The following CBFB variants were observed in gnomAD, a reference collection of about 807,000 sequenced individuals.
CBFB encodes the protein core-binding factor subunit beta.
In CBFB, 9 loss-of-function variants were observed where a neutral mutation model predicts 30.4. That is an observed-to-expected ratio of 0.30 (90% CI 0.18 to 0.52). The LOEUF (loss-of-function observed/expected upper bound fraction) is 0.52. Ranked by LOEUF, CBFB falls within the 20% of genes least tolerant of loss-of-function variation. The pLI is 0.97. For synonymous variants in CBFB, 94 were observed against 84.0 expected, an observed-to-expected ratio of 1.12 and a Z score of -0.65; for missense variants, 170 against 244.0, an observed-to-expected ratio of 0.70 and a Z score of 2.02.
intron 5 of CBFB, among the ~76,000 whole-genome samples, chr16:67,092,468 ACT>A (rs1173163419): frequency 6.6e-6 from 1 of 151,708 alleles, no homozygotes; most frequent in African/African-American, 2.4e-5. Flanking sequence ...CTGTGTTCTG[ACT>A]CTGCCTCCAA....
intron 3 of CBFB, among the ~76,000 whole-genome samples, chr16:67,038,312 GTATA>G (rs1567604779): frequency 1.3e-5 from 2 of 149,500 alleles, no homozygotes; most frequent in Non-Finnish European, 3.0e-5. Context: ...GTATATATGT[GTATA>G]TATACGTATA....
chr16:67,029,944 C>T lies in CBFB; in HGVS notation c.165+131C>T, dbSNP rs536688949. 5.6e-5 allele frequency: 30 copies of T among 539,582 alleles called. No individual in the cohort carries two copies. The South Asian group carries it at 8.2e-4, about 15-fold the overall frequency. The allele number at this position is 539,582 out of a possible 1,614,324, so 33.4% of individuals were successfully genotyped here. ...AGTGGGCGCCGTCTCACTTCCTACT[C>T]GGGATTCAAAATGCGAAACCAGATG... On this transcript the variant is annotated intron_variant, in intron 2 of 5. Transcript: ENST00000412916.
chr16:67,077,953 T>C (rs1243398556), intron 4 of CBFB, among the ~76,000 whole-genome samples: 2 of 152,234 alleles, frequency 1.3e-5, no homozygotes, highest in Non-Finnish European at 1.5e-5. Context: ...GGTTGTGGTA[T>C]AGACTTTGGA....
intron 5 of CBFB, among the ~76,000 whole-genome samples, chr16:67,086,591 GA>G (rs1177104943): frequency 6.6e-6 from 1 of 152,170 alleles, no homozygotes; most frequent in Non-Finnish European, 1.5e-5. Flanking sequence ...CTGCCTGTCT[GA>G]AAACTAGAAT....
chr16:67,066,466 G>A (rs987831919), intron 3 of CBFB, among the ~76,000 whole-genome samples: 2 of 151,690 alleles, frequency 1.3e-5, no homozygotes, highest in Non-Finnish European at 2.9e-5. Context: ...AGTCCGAGGT[G>A]GGAGAATTGC....
chr16:67,029,516 C>A, intron 1 of CBFB, 31 bp downstream of exon 1: 1 of 1,565,196 alleles, frequency 6.4e-7, no homozygotes, highest in African/African-American at 1.4e-5. Flanking sequence ...GCTAGGAGGC[C>A]GCAGCGCGCC....
rs577474728 is a variant in CBFB, at chr16:67,070,374, T to C, written c.399+3576T>C. On this transcript the variant is annotated intron_variant, in intron 4 of 5. Transcript: ENST00000412916. The stretch of plus-strand genomic sequence containing the variant: ...GGCAACATAATGAGACCTTCATCTC[T>C]AAACATAAAAATAAAGAAAGAATCC... Among the ~76,000 whole-genome samples the C allele has an allele frequency of 2.6e-5, 4 of 152,266 alleles. No individual in the cohort carries two copies. In the South Asian group the frequency reaches 8.3e-4, roughly 32 times the overall value.
intron 5 of CBFB, among the ~76,000 whole-genome samples, chr16:67,084,233 GAA>G (rs1280689263): frequency 2.8e-5 from 4 of 144,620 alleles, no homozygotes; most frequent in South Asian, 2.2e-4. Flanking sequence ...TAATGTGTTT[GAA>G]AAAGAGTGTT....
chr16:67,060,597 C>A (rs1960883133), intron 3 of CBFB, among the ~76,000 whole-genome samples: 1 of 151,954 alleles, frequency 6.6e-6, no homozygotes, highest in Non-Finnish European at 1.5e-5. Context: ...GTCTAGTTGC[C>A]CAGGCTGGAG....
At chr16:67,087,358 C>G (rs1223398570) in intron 5 of CBFB, among the ~76,000 whole-genome samples, 1 of 152,090 alleles carries the variant, frequency 6.6e-6, no homozygotes, top group African/African-American at 2.4e-5. Flanking sequence ...GAGTTCAAGA[C>G]CAGCCTGGGC....
chr16:67,038,056 A>G (rs1435100307), intron 3 of CBFB, among the ~76,000 whole-genome samples: 1 of 152,092 alleles, frequency 6.6e-6, no homozygotes, highest in African/African-American at 2.4e-5. Flanking sequence ...ATTTTTAAAG[A>G]AGAAACCCTC....
At chr16:67,059,635 T>G (rs1960833840) in intron 3 of CBFB, among the ~76,000 whole-genome samples, 1 of 152,184 alleles carries the variant, frequency 6.6e-6, no homozygotes, top group Non-Finnish European at 1.5e-5. Context: ...GTAACAACCT[T>G]TAGCCTGCGT....
chr16:67,097,148 G>A (rs1351537405), intron 5 of CBFB, among the ~76,000 whole-genome samples: 2 of 152,076 alleles, frequency 1.3e-5, no homozygotes, highest in African/African-American at 4.8e-5. Flanking sequence ...TGGGAGAATC[G>A]CTTGAGCCGG....
intron 3 of CBFB, among the ~76,000 whole-genome samples, chr16:67,056,754 T>G (rs1960737830): frequency 6.6e-6 from 1 of 151,566 alleles, no homozygotes; most frequent in South Asian, 2.1e-4. Flanking sequence ...TGATCTCAGC[T>G]CACTGCAACT....
At chr16:67,033,189 G>C (rs369343690) in intron 2 of CBFB, among the ~76,000 whole-genome samples, 1 of 152,094 alleles carries the variant, frequency 6.6e-6, no homozygotes, top group African/African-American at 2.4e-5. Flanking sequence ...TTTGCATTTA[G>C]ATGTGAAATA....
intron 3 of CBFB, among the ~76,000 whole-genome samples, chr16:67,045,007 A>G (rs1220361093): frequency 6.6e-6 from 1 of 152,182 alleles, no homozygotes; most frequent in Non-Finnish European, 1.5e-5. Context: ...TAGTGTATTG[A>G]AATCTGGTTT....
chr16:67,039,223 T>C (rs1487462886), intron 3 of CBFB, among the ~76,000 whole-genome samples: 1 of 152,220 alleles, frequency 6.6e-6, no homozygotes, highest in Admixed American at 6.5e-5. Flanking sequence ...GTACAGCATG[T>C]TACCGTACTG....
At chr16:67,084,352 A>G (rs1275335658) in intron 5 of CBFB, among the ~76,000 whole-genome samples, 2 of 152,132 alleles carry the variant, frequency 1.3e-5, no homozygotes, top group African/African-American at 4.8e-5. Context: ...TTGATAATCA[A>G]AACACATTAA....
intron 3 of CBFB, among the ~76,000 whole-genome samples, chr16:67,047,962 G>A (rs368315167): frequency 1.3e-5 from 2 of 152,126 alleles, no homozygotes; most frequent in Non-Finnish European, 2.9e-5. Flanking sequence ...CCAGCTGCTC[G>A]GGAGGCTAAG....
Sources: allele counts gnomAD v4.1 joint callset (sites outside exome capture counted in the v4.1 genomes callset), GRCh38; gene constraint gnomAD v4.1.1; transcripts MANE v1.5; gene names NCBI Gene and HGNC (gene_info 2026-07-23, HGNC 2026-07-21).